PRPSAP2: variants seen among roughly 807,000 people sequenced by gnomAD.
PRPSAP2 encodes the protein phosphoribosyl pyrophosphate synthase-associated protein 2.
PRPSAP2 carries 24 observed loss-of-function variants against 40.6 expected under a neutral mutation model. That is an observed-to-expected ratio of 0.59 (90% CI 0.43 to 0.83). The LOEUF (loss-of-function observed/expected upper bound fraction) is 0.83, where lower values mean the gene tolerates loss of function less well. Ranked by LOEUF, PRPSAP2 falls within the 40% of genes least tolerant of loss-of-function variation. PRPSAP2 has a pLI of 0.00. For synonymous variants in PRPSAP2, 149 were observed against 164.7 expected, an observed-to-expected ratio of 0.90 and a Z score of 0.73; for missense variants, 292 against 465.6, an observed-to-expected ratio of 0.63 and a Z score of 3.43.
intron 1 of PRPSAP2, among the ~76,000 whole-genome samples, chr17:18,864,701 G>T (rs1290556099): frequency 6.6e-6 from 1 of 152,194 alleles, no homozygotes; most frequent in African/African-American, 2.4e-5. Context: ...ATCTACACCA[G>T]CCTTCCCAGA....
chr17:18,889,885 G>T lies in PRPSAP2; in HGVS notation c.584+8G>T, dbSNP rs1209245891. ...TCCAGCCTCGGCGAAGAGGTAGGTG[G>T]GAATCTCACAACCTCTTTCTGGATC... On this transcript the variant is annotated splice_region_variant and intron_variant, in intron 8 of 11. Transcript: ENST00000268835. 6.2e-7 allele frequency: 1 copy of T among 1,608,232 alleles called. No homozygotes were observed. Among genetic ancestry groups the T allele is most frequent in the African/African-American group, 1.3e-5 (1 of 74,734 alleles).
intron 6 of PRPSAP2, among the ~76,000 whole-genome samples, chr17:18,879,358 C>T (rs1482477102): frequency 6.6e-6 from 1 of 152,194 alleles, no homozygotes; most frequent in Non-Finnish European, 1.5e-5. Context: ...GATCTTGGCT[C>T]ACTGCAACCT....
chr17:18,927,626 C>T (rs1008464491), intron 10 of PRPSAP2, among the ~76,000 whole-genome samples: 15 of 152,172 alleles, frequency 9.9e-5, no homozygotes, highest in African/African-American at 3.6e-4. Context: ...TTTGTGTGAA[C>T]AGAGTTTTAA....
At chr17:18,922,164 C>CT (rs1434659646) in intron 9 of PRPSAP2, among the ~76,000 whole-genome samples, 7 of 152,148 alleles carry the variant, frequency 4.6e-5, no homozygotes, top group African/African-American at 1.7e-4. Flanking sequence ...TACTTCATTG[C>CT]TTTTGGTGGC....
chr17:18,864,180 G>A (rs1338661628), intron 1 of PRPSAP2, among the ~76,000 whole-genome samples: 1 of 151,942 alleles, frequency 6.6e-6, no homozygotes, highest in Non-Finnish European at 1.5e-5. Flanking sequence ...GAGGTCACAT[G>A]TATAAATGCA....
At chr17:18,913,157 TG>T (rs1443553858) in intron 9 of PRPSAP2, among the ~76,000 whole-genome samples, 1 of 152,190 alleles carries the variant, frequency 6.6e-6, no homozygotes, top group Non-Finnish European at 1.5e-5. Flanking sequence ...ATTGCCCTAG[TG>T]GGGTCTCTCT....
At chr17:18,868,722 CA>C (rs1178190598) in intron 4 of PRPSAP2, among the ~76,000 whole-genome samples, 2 of 88,708 alleles carry the variant, frequency 2.3e-5, no homozygotes, top group Non-Finnish European at 4.4e-5. Flanking sequence ...TTTAAAAAAA[CA>C]TTTTTTTTTT....
At chr17:18,884,517 A>T (rs910396142) in intron 7 of PRPSAP2, among the ~76,000 whole-genome samples, 2 of 151,984 alleles carry the variant, frequency 1.3e-5, no homozygotes, top group African/African-American at 2.4e-5. Context: ...TTTAAAAAAT[A>T]TTTCCAGAGT....
upstream of PRPSAP2, among the ~76,000 whole-genome samples, chr17:18,857,613 G>A (rs2036675450): frequency 6.6e-6 from 1 of 151,198 alleles, no homozygotes; most frequent in African/African-American, 2.4e-5. Context: ...TAGAGATGGG[G>A]GTTTCACCAT....
intron 1 of PRPSAP2, among the ~76,000 whole-genome samples, chr17:18,863,129 T>A (rs2037162050): frequency 6.6e-6 from 1 of 151,990 alleles, no homozygotes; most frequent in South Asian, 2.1e-4. Context: ...AATTTTTTAT[T>A]TATTTATTTT....
chr17:18,924,141 A>C, intron 10 of PRPSAP2, 157 bp downstream of exon 10: 1 of 590,324 alleles, frequency 1.7e-6, no homozygotes, highest in Non-Finnish European at 2.8e-6. Context: ...CCAGGTTCAA[A>C]CGATTCTCCT....
Position 18,865,482 on chromosome 17 carries a change from G to C in PRPSAP2, c.-115G>C, listed in dbSNP as rs1167493550. 6.5e-6 allele frequency: 1 copy of C among 153,036 alleles called. No individual in the cohort carries two copies. Among genetic ancestry groups the C allele is most frequent in the Non-Finnish European group, 1.5e-5 (1 of 68,612 alleles). 9.5% of individuals were successfully genotyped at this position (153,036 alleles called of 1,614,324 possible). A position where few individuals can be genotyped will look rare whatever the true frequency, so the allele number is the denominator to read the frequency against. On this transcript the variant is annotated 5_prime_UTR_variant, in exon 2 of 12. Coordinates refer to ENST00000268835, the MANE Select transcript of PRPSAP2 (RefSeq NM_002767.4). ...GTGTTAATCCAGGAGGAATTTTGTT[G>C]TCAGAGAATAAAAGGAGGTTGTCCA...
At chr17:18,907,725 C>T (rs181143784) in intron 8 of PRPSAP2, among the ~76,000 whole-genome samples, 13 of 152,254 alleles carry the variant, frequency 8.5e-5, no homozygotes, top group Admixed American at 6.5e-4. Flanking sequence ...ATTCTAATAA[C>T]AGAAGTATCT....
At chr17:18,905,256 C>T (rs936149878) in intron 8 of PRPSAP2, among the ~76,000 whole-genome samples, 2 of 152,178 alleles carry the variant, frequency 1.3e-5, no homozygotes, top group African/African-American at 2.4e-5. Flanking sequence ...AAACTCCTGA[C>T]CTCAGGTGAT....
At chr17:18,908,720 A>G in intron 8 of PRPSAP2, 1 of 728,004 alleles carries the variant, frequency 1.4e-6, no homozygotes, top group South Asian at 1.5e-5. Context: ...CAGAAATTCA[A>G]AACAAAGTTT....
intron 8 of PRPSAP2, among the ~76,000 whole-genome samples, chr17:18,890,729 G>A (rs144844309): frequency 5.3e-5 from 8 of 152,292 alleles, no homozygotes; most frequent in Admixed American, 3.9e-4. Flanking sequence ...CAGTACTGGC[G>A]AATATTTACA....
intron 8 of PRPSAP2, chr17:18,908,531 C>A: frequency 1.3e-6 from 1 of 755,372 alleles, no homozygotes; most frequent in Non-Finnish European, 2.5e-6. Flanking sequence ...CATCTGCCTC[C>A]TCATGCGGAG....
chr17:18,908,780 C>A, intron 8 of PRPSAP2: 1 of 695,686 alleles, frequency 1.4e-6, no homozygotes, highest in South Asian at 1.4e-5. Context: ...CGGGCAAAAA[C>A]GATCATGCCA....
chr17:18,920,894 A>T (rs542788766), intron 9 of PRPSAP2, among the ~76,000 whole-genome samples: 38 of 152,240 alleles, frequency 2.5e-4, no homozygotes, highest in Middle Eastern at 3.4e-3. Flanking sequence ...TAAAGCTGCG[A>T]TGCATGCTTC....
Sources: gnomAD v4.1 joint callset for allele counts (sites outside exome capture counted in the v4.1 genomes callset) on GRCh38, gnomAD v4.1.1 for gene constraint, MANE v1.5 for transcripts, NCBI Gene and HGNC (gene_info 2026-07-23, HGNC 2026-07-21) for gene names.